Variants in ARSA observed in about 807,000 individuals in gnomAD.
ARSA encodes arylsulfatase A.
In ARSA, 32 loss-of-function variants were observed where a neutral mutation model predicts 37.8. The observed-to-expected ratio is 0.85, with a 90% CI of 0.64 to 1.14. The LOEUF (loss-of-function observed/expected upper bound fraction) is 1.14, where lower values mean the gene tolerates loss of function less well. ARSA is among the 50% of genes most tolerant of loss of function. The pLI is 0.00. For missense variants in ARSA, 685 were observed against 686.3 expected (o/e 1.00, Z 0.02); for synonymous variants, 303 against 303.4 (o/e 1.00, Z 0.01).
chr22:50,626,579 C>T lies in ARSA; in HGVS notation c.854+12G>A, dbSNP rs1195479194. On this transcript the variant is annotated intron_variant, in intron 4 of 7. Transcript: ENST00000216124. The stretch of plus-strand genomic sequence containing the variant: ...GACAGGGCCGGAGCACCCAGCTGCC[C>T]TGCTGGCATACCCATTGTCTGCAGT... 2 of 1,611,926 alleles carry T rather than the reference C, an allele frequency of 1.2e-6. No individual in the cohort carries two copies. Among genetic ancestry groups the T allele is most frequent in the Non-Finnish European group, 1.7e-6 (2 of 1,180,028 alleles).
At chr22:50,626,125 G>C in intron 5 of ARSA, 29 bp downstream of exon 5, 5 of 1,599,610 alleles carry the variant, frequency 3.1e-6, no homozygotes, top group Non-Finnish European at 4.3e-6. Flanking sequence ...GTGGGGCCAG[G>C]GTTCCAAGGA....
rs1047628670 is a variant in ARSA, at chr22:50,625,966, G to A, written c.1077C>T (p.Asp359=). 21 of 1,573,944 alleles carry A rather than the reference G, an allele frequency of 1.3e-5. No individual in the cohort carries two copies. The Admixed American group carries it at 2.9e-4, about 22-fold the overall frequency. The part of the protein sequence containing the change: ...PLPNVTLDGF[D]LSPLLLGTGK... The stretch of plus-strand genomic sequence containing the variant: ...CTGTGCCCAGCAGCAGGGGGCTGAG[G>A]TCAAAGCCATCCAAGGTGACATTGG... Residue 359 remains aspartate (D), a synonymous_variant, in exon 6 of 8, where the codon GAC becomes GAT. Coordinates refer to ENST00000216124, the MANE Select transcript of ARSA (RefSeq NM_000487.6).
intron 7 of ARSA, 52 bp downstream of exon 7, chr22:50,625,527 C>T (rs1420091682): frequency 2.5e-6 from 4 of 1,610,408 alleles, no homozygotes; most frequent in Admixed American, 1.7e-5. Flanking sequence ...GGATCTAGGG[C>T]TCCGGGGAGG....
rs772710219 is a variant in ARSA, at chr22:50,625,135, C to T, written c.*10G>A. 5.8e-6 allele frequency: 9 copies of T among 1,542,360 alleles called. No individual in the cohort carries two copies. Among genetic ancestry groups the T allele is most frequent in the Middle Eastern group, 2.0e-4 (1 of 5,112 alleles). ...GGAGCCATCACATGCCCAGGCCAGCCGAGGGGCCCTCAGGCATGGGGATCT... is the reference window on the plus strand; with the variant it reads ...GGAGCCATCACATGCCCAGGCCAGCTGAGGGGCCCTCAGGCATGGGGATCT... On this transcript the variant is annotated 3_prime_UTR_variant, in exon 8 of 8. Transcript: ENST00000216124.
chr22:50,626,080 GGTCA>G lies in ARSA; in HGVS notation c.980-21_980-18del. 6.3e-7 allele frequency: 1 copy of G among 1,598,796 alleles called. No homozygotes were observed. The highest frequency in any genetic ancestry group is 2.3e-5 in the East Asian group (1 of 44,266). ...GGGTCACGCCTGGGGGCAGGAGGCT[GGTCA>G]GTCACTCAGTTCGCCATCAAGGTTG... On this transcript the variant is annotated intron_variant, in intron 5 of 7. Transcript: ENST00000216124.
rs201315540 is a variant in ARSA, at chr22:50,627,766, G to A, written c.14C>T (p.Ala5Val). 1.6e-4 allele frequency: 250 copies of A among 1,546,194 alleles called. No homozygotes were observed. The highest frequency in any genetic ancestry group is 2.0e-4 in the Non-Finnish European group (227 of 1,146,956). The change falls in exon 1 of 8, where the codon GCA becomes GTA. Residue 5 changes from alanine (A) to valine (V), a missense_variant. Ala to Val is a moderately conservative substitution (Grantham distance 64, BLOSUM62 0). Transcript: ENST00000216124. ...CAGGGCCAGGAGGAGGGACCGCGGT[G>A]CCCCCATGGACATGGGACCGAGGGG... MSMG[A>V]PRSLLLALAA... is the part of the protein sequence containing the mutation.
rs2082656095 is a variant in ARSA at position 50,625,883 on chromosome 22, G to A, written c.1107+53C>T. The A allele has an allele frequency of 3.2e-6, 5 of 1,558,996 alleles. No individual in the cohort carries two copies. The South Asian group carries it at 3.5e-5, about 11-fold the overall frequency. On this transcript the variant is annotated intron_variant, in intron 6 of 7. Transcript: ENST00000216124. ...CAGGCACTGCCCACACTCACCCCAG[G>A]GGAAGGCCAGGACAGGGGCCAAGGA...
In ARSA at chr22:50,627,927, G is replaced by A; in HGVS notation, c.-148C>T. 2 of 787,708 alleles carry A rather than the reference G, an allele frequency of 2.5e-6. No individual in the cohort carries two copies. Among genetic ancestry groups the A allele is most frequent in the African/African-American group, 1.7e-5 (1 of 57,658 alleles). The allele number at this position is 787,708 out of a possible 1,614,324, so 48.8% of individuals were successfully genotyped here. A position where few individuals can be genotyped will look rare whatever the true frequency, so the allele number is the denominator to read the frequency against. The stretch of plus-strand genomic sequence containing the variant: ...ACGGCCGCCTCCTGAAGCTCCAGAG[G>A]GCCGGGGCCCGACAGTACCGGGAGA... On this transcript the variant is annotated 5_prime_UTR_variant, in exon 1 of 8. Coordinates refer to ENST00000216124, the MANE Select transcript of ARSA (RefSeq NM_000487.6).
chr22:50,628,007 G>T lies in ARSA; in HGVS notation c.-228C>A, dbSNP rs915709152. The stretch of plus-strand genomic sequence containing the variant: ...CCAGGGCACCTTCAGATTCTCGAGC[G>T]GAGATCTGATCCTCCTCGCCTAGCG... On this transcript the variant is annotated 5_prime_UTR_variant, in exon 1 of 8. Transcript: ENST00000216124. 1.8e-6 allele frequency: 1 copy of T among 569,184 alleles called. No individual in the cohort carries two copies. The highest frequency in any genetic ancestry group is 1.9e-5 in the African/African-American group (1 of 53,100). 35.3% of individuals were successfully genotyped at this position (569,184 alleles called of 1,614,324 possible).
rs948248365 is a variant in ARSA, at chr22:50,624,519, G to A, written c.*626C>T. ...GGGGCCCCAGAGGAGCCGTCTCAGG[G>A]CCTGCTGCTGTGCCTTCCTAGGAGC... On this transcript the variant is annotated 3_prime_UTR_variant, in exon 8 of 8. Coordinates refer to ENST00000216124, the MANE Select transcript of ARSA (RefSeq NM_000487.6). Among the ~76,000 whole-genome samples, 18 of 152,158 alleles carry A rather than the reference G, an allele frequency of 1.2e-4. No individual in the cohort carries two copies. Among genetic ancestry groups the A allele is most frequent in the African/African-American group, 3.4e-4 (14 of 41,430 alleles).
chr22:50,625,468 G>A lies in ARSA; in HGVS notation c.1211-4C>T, dbSNP rs770243080. ...GTGGTATCACTGTGGGCAGAGCCTG[G>A]GGAGGGGGCCAATTCTGTGCACAGG... On this transcript the variant is annotated splice_polypyrimidine_tract_variant and splice_region_variant and intron_variant, in intron 7 of 7. Coordinates refer to ENST00000216124, the MANE Select transcript of ARSA (RefSeq NM_000487.6). The A allele has an allele frequency of 8.1e-6, 13 of 1,605,540 alleles. No homozygotes were observed. In the South Asian group the frequency reaches 1.3e-4, roughly 16 times the overall value.
At chr22:50,626,466 C>T in intron 4 of ARSA, 125 bp downstream of exon 4, 1 of 1,509,442 alleles carries the variant, frequency 6.6e-7, no homozygotes, top group Non-Finnish European at 9.0e-7. Flanking sequence ...TGGGCCCCTG[C>T]AACGTGGCCA....
chr22:50,627,776 A>C lies in ARSA; in HGVS notation c.4T>G (p.Ser2Ala). The change falls in exon 1 of 8, where the codon TCC becomes GCC. Residue 2 changes from serine to alanine, a missense_variant. Ser to Ala is a moderately conservative substitution (Grantham distance 99, BLOSUM62 1). Coordinates refer to ENST00000216124, the MANE Select transcript of ARSA (RefSeq NM_000487.6). The part of the protein sequence containing the change: M[S>A]MGAPRSLLLA... ...AGGAGGGACCGCGGTGCCCCCATGG[A>C]CATGGGACCGAGGGGTCTGTCCCAA... The C allele has an allele frequency of 6.5e-7, 1 of 1,544,030 alleles. No homozygotes were observed. Among genetic ancestry groups the C allele is most frequent in the South Asian group, 1.2e-5 (1 of 83,984 alleles).
rs372705596 is a variant in ARSA, at chr22:50,625,561, T to G, written c.1210+18A>C. 8.3e-5 allele frequency: 134 copies of G among 1,606,454 alleles called. No individual in the cohort carries two copies. The highest frequency in any genetic ancestry group is 1.1e-4 in the Non-Finnish European group (129 of 1,175,302). ...GGGGTCAGCAGGTCGGGGGGAGGGA[T>G]CCACGGGGAGGGGTTACCCTGGGTG... On this transcript the variant is annotated intron_variant, in intron 7 of 7. Coordinates refer to ENST00000216124, the MANE Select transcript of ARSA (RefSeq NM_000487.6).
rs1603444842 is a variant in ARSA at position 50,625,092 on chromosome 22, C to T, written c.*53G>A. 6.8e-7 allele frequency: 1 copy of T among 1,463,000 alleles called. No homozygotes were observed. 90.6% of individuals were successfully genotyped at this position (1,463,000 alleles called of 1,614,324 possible). A position where few individuals can be genotyped will look rare whatever the true frequency, so the allele number is the denominator to read the frequency against. On this transcript the variant is annotated 3_prime_UTR_variant, in exon 8 of 8. Coordinates refer to ENST00000216124, the MANE Select transcript of ARSA (RefSeq NM_000487.6). Reference sequence around the variant, plus strand: ...ACCCCCTCCAGACACCTGAGCCTCCCCCACAGGCTCCCAGTGAGGAGCCAT... The same window carrying T: ...ACCCCCTCCAGACACCTGAGCCTCCTCCACAGGCTCCCAGTGAGGAGCCAT...
chr22:50,625,322 G>T lies in ARSA; in HGVS notation c.1353C>A (p.Thr451=), dbSNP rs2082644571. ...GTTTCAGGGCTTGCAGCACCTCTGGGGTGGCCCCGGCCACACCCCCCAGCA... is the reference window on the plus strand; with the variant it reads ...GTTTCAGGGCTTGCAGCACCTCTGGTGTGGCCCCGGCCACACCCCCCAGCA... The part of the protein sequence containing the change: ...YNLLGGVAGA[T]PEVLQALKQL... The change falls in exon 8 of 8, where the codon ACC becomes ACA. Residue 451 remains threonine, a synonymous_variant. Transcript: ENST00000216124. 5 of 1,612,734 alleles carry T rather than the reference G, an allele frequency of 3.1e-6. No individual in the cohort carries two copies. The highest frequency in any genetic ancestry group is 4.2e-6 in the Non-Finnish European group (5 of 1,179,732).
At position 50,624,851 on chromosome 22, in the gene ARSA, C is replaced by T. The variant is rs547877758; in HGVS notation, c.*294G>A. ...CACTGACCCACGCAGATCACCAAGGCGCCAGGGCAGCTTCCAGAGCCACGA... is the reference window on the plus strand; with the variant it reads ...CACTGACCCACGCAGATCACCAAGGTGCCAGGGCAGCTTCCAGAGCCACGA... On this transcript the variant is annotated 3_prime_UTR_variant, in exon 8 of 8. Transcript: ENST00000216124. 2.6e-5 allele frequency among the ~76,000 whole-genome samples: 4 copies of T among 152,012 alleles called. No homozygotes were observed. Among genetic ancestry groups the T allele is most frequent in the East Asian group, 3.9e-4 (2 of 5,160 alleles).
chr22:50,625,233 C>G lies in ARSA; in HGVS notation c.1442G>C (p.Arg481Pro). Residue 481 changes from arginine to proline, a missense_variant, in exon 8 of 8, where the codon CGG becomes CCG. Physicochemically the swap from Arg to Pro is moderately radical, Grantham distance 103 (BLOSUM62 -2). Transcript: ENST00000216124. ...GATCTGCAGGGCGGGGTCCTCGCCC[C>G]GGGCCACCTGGCTGGGGCCGAAGGT... ...AVTFGPSQVA[R>P]GEDPALQICC... The G allele has an allele frequency of 6.2e-7, 1 of 1,610,340 alleles. No individual in the cohort carries two copies. Among genetic ancestry groups the G allele is most frequent in the Non-Finnish European group, 8.5e-7 (1 of 1,178,376 alleles).
At position 50,625,459 on chromosome 22, in the gene ARSA, C is replaced by T; in HGVS notation, c.1216G>A (p.Ala406Thr). 1.2e-6 allele frequency: 2 copies of T among 1,602,670 alleles called. No individual in the cohort carries two copies. The highest frequency in any genetic ancestry group is 1.7e-6 in the Non-Finnish European group (2 of 1,173,718). ...GGGTCTGCAGTGGTATCACTGTGGGCAGAGCCTGGGGAGGGGGCCAATTCT... is the reference window on the plus strand; with the variant it reads ...GGGTCTGCAGTGGTATCACTGTGGGTAGAGCCTGGGGAGGGGGCCAATTCT... ...YKAHFFTQGS[A>T]HSDTTADPAC... Residue 406 changes from alanine (A) to threonine (T), a missense_variant, in exon 8 of 8, where the codon GCC (alanine) becomes ACC (threonine). Coordinates refer to ENST00000216124, the MANE Select transcript of ARSA (RefSeq NM_000487.6).
Sources: gnomAD v4.1 joint callset for allele counts (sites outside exome capture counted in the v4.1 genomes callset) on GRCh38, gnomAD v4.1.1 for gene constraint, MANE v1.5 for transcripts, NCBI Gene and HGNC (gene_info 2026-07-23, HGNC 2026-07-21) for gene names.